The following MND1 variants were observed in gnomAD, a reference collection of about 807,000 sequenced individuals.
MND1 encodes meiotic nuclear divisions 1.
In MND1, 28 loss-of-function variants were observed where a neutral mutation model predicts 35.1. The ratio of observed to expected loss-of-function variants is 0.80; its 90% CI spans 0.59 to 1.09. The LOEUF (loss-of-function observed/expected upper bound fraction) is 1.09, where lower values mean the gene tolerates loss of function less well. Ranked by LOEUF, MND1 falls within the 50% of genes least tolerant of loss-of-function variation. The pLI is 0.00. For synonymous variants in MND1, 69 were observed against 70.5 expected (o/e 0.98, Z 0.11); for missense variants, 213 against 239.6 (o/e 0.89, Z 0.73).
intron 4 of MND1, among the ~76,000 whole-genome samples, chr4:153,374,479 TAAAG>T (rs1317278229): frequency 3.3e-5 from 5 of 152,112 alleles, no homozygotes; most frequent in Admixed American, 6.6e-5. Context: ...GGGATTCACA[TAAAG>T]ATAGAAGCCA....
chr4:153,406,678 A>G (rs1044996847), intron 6 of MND1, among the ~76,000 whole-genome samples: 6 of 152,186 alleles, frequency 3.9e-5, no homozygotes, highest in African/African-American at 1.2e-4. Context: ...ATGAACGGAC[A>G]CTTCCCCCAA....
In MND1 at chr4:153,394,255, T is replaced by A. The variant is rs752881878; in HGVS notation, c.277-7T>A. On this transcript the variant is annotated splice_region_variant and splice_polypyrimidine_tract_variant and intron_variant, in intron 4 of 7. Transcript: ENST00000240488. The stretch of plus-strand genomic sequence containing the variant: ...GCAAGCTGTTTTATTTGTTTTTGAT[T>A]CTCTAGTTGTCTGAGGGAAGTCAAA... 3 of 1,611,034 alleles carry A rather than the reference T, an allele frequency of 1.9e-6. No individual in the cohort carries two copies. The South Asian group carries it at 3.3e-5, about 18-fold the overall frequency.
intron 4 of MND1, among the ~76,000 whole-genome samples, chr4:153,360,699 A>T (rs149590297): frequency 3.6e-4 from 53 of 148,824 alleles, no homozygotes; most frequent in African/African-American, 1.1e-3. Flanking sequence ...TACTATAAAT[A>T]TTTTTGTGTG....
At chr4:153,353,155 G>C (rs1213866942) in intron 2 of MND1, among the ~76,000 whole-genome samples, 1 of 151,958 alleles carries the variant, frequency 6.6e-6, no homozygotes, top group Admixed American at 6.6e-5. Flanking sequence ...CATGTTCCCT[G>C]AGATTCTAAA....
chr4:153,382,746 TCTA>T (rs1485033234), intron 4 of MND1, among the ~76,000 whole-genome samples: 6 of 152,206 alleles, frequency 3.9e-5, no homozygotes, highest in African/African-American at 1.4e-4. Flanking sequence ...ATCGATGCCT[TCTA>T]ATAAACAAAA....
intron 4 of MND1, 95 bp from the exon 5 acceptor site, chr4:153,394,167 G>A: frequency 1.9e-6 from 2 of 1,058,298 alleles, no homozygotes; most frequent in East Asian, 2.8e-5. Flanking sequence ...CGAGTGCTGG[G>A]GCGTGAGCCA....
At chr4:153,355,903 A>G (rs1773327666) in intron 3 of MND1, 192 bp downstream of exon 3, 1 of 528,822 alleles carries the variant, frequency 1.9e-6, no homozygotes, top group Admixed American at 3.4e-5. Context: ...TTTCTGTATA[A>G]TACATCCTGT....
intron 6 of MND1, among the ~76,000 whole-genome samples, chr4:153,408,490 A>G (rs999688732): frequency 1.3e-5 from 2 of 152,194 alleles, no homozygotes; most frequent in African/African-American, 4.8e-5. Flanking sequence ...AAGTAAAAGT[A>G]AATACTTCCC....
chr4:153,413,969 A>G (rs568436691), intron 7 of MND1, among the ~76,000 whole-genome samples: 1 of 152,132 alleles, frequency 6.6e-6, no homozygotes, highest in South Asian at 2.1e-4. Flanking sequence ...TGCTGAGGAC[A>G]TTTCTGTTCT....
chr4:153,385,038 G>A lies in MND1; in HGVS notation c.277-9224G>A, dbSNP rs975248473. Among the ~76,000 whole-genome samples the A allele has an allele frequency of 3.9e-5, 6 of 152,162 alleles. 1 individual carries two copies. The highest frequency in any genetic ancestry group is 1.4e-4 in the African/African-American group (6 of 41,430). On this transcript the variant is annotated intron_variant, in intron 4 of 7. Transcript: ENST00000240488. ...AACAAACATCCAGTACTCACTACAT[G>A]CAAAGCAATACCTTAAGTTGTTCAT...
rs75531861 is a variant in MND1, at chr4:153,404,924, G to A, written c.467-4047G>A. ...TTTTTATTATCTTTTTTGTAGAGACGGGGTCCCACTATGTTAGCTAGACTG... is the reference window on the plus strand; with the variant it reads ...TTTTTATTATCTTTTTTGTAGAGACAGGGTCCCACTATGTTAGCTAGACTG... On this transcript the variant is annotated intron_variant, in intron 6 of 7. Transcript: ENST00000240488. 5.2e-4 allele frequency among the ~76,000 whole-genome samples: 79 copies of A among 151,922 alleles called. No individual in the cohort carries two copies. The East Asian group carries it at 9.7e-3, about 19-fold the overall frequency.
intron 1 of MND1, among the ~76,000 whole-genome samples, chr4:153,346,895 C>T (rs992847478): frequency 5.3e-5 from 8 of 152,192 alleles, no homozygotes; most frequent in African/African-American, 1.9e-4. Flanking sequence ...CACTGAAATT[C>T]TAAAGGGATT....
intron 4 of MND1, among the ~76,000 whole-genome samples, chr4:153,393,969 C>T (rs1261638822): frequency 9.4e-6 from 1 of 105,890 alleles, no homozygotes; most frequent in East Asian, 3.0e-4. Context: ...CTTGCTCTGT[C>T]GCCAGGCTGG....
intron 7 of MND1, among the ~76,000 whole-genome samples, chr4:153,413,026 C>T (rs1729732678): frequency 6.6e-6 from 1 of 151,994 alleles, no homozygotes; most frequent in South Asian, 2.1e-4. Context: ...AGGATGGTCT[C>T]GATCTCTTGA....
At chr4:153,393,783 T>C (rs1229553735) in intron 4 of MND1, among the ~76,000 whole-genome samples, 1 of 152,014 alleles carries the variant, frequency 6.6e-6, no homozygotes, top group East Asian at 1.9e-4. Flanking sequence ...GGCATGCTAT[T>C]CGTTTTATCT....
chr4:153,394,323 G>T lies in MND1; in HGVS notation c.338G>T (p.Gly113Val), dbSNP rs751316277. The change falls in exon 5 of 8, where the codon GGC (glycine) becomes GTC (valine). Residue 113 changes from glycine (G) to valine (V), a missense_variant. Gly to Val is a moderately radical substitution (Grantham distance 109, BLOSUM62 -3). Coordinates refer to ENST00000240488, the MANE Select transcript of MND1 (RefSeq NM_032117.4). The part of the protein sequence containing the change: ...LQKSIEKAKI[G>V]RCETEERTRL... ...AAAAGCATTGAGAAAGCTAAAATTG[G>T]CCGATGTGAAACGGTAAGTTTGTGT... The T allele has an allele frequency of 3.1e-6, 5 of 1,611,946 alleles. No homozygotes were observed. The highest frequency in any genetic ancestry group is 4.2e-6 in the Non-Finnish European group (5 of 1,178,594).
chr4:153,408,930 ATATAAATACATTTCATTT>A, intron 6 of MND1, 23 bp from the exon 7 acceptor site: 12 of 656,166 alleles, frequency 1.8e-5, no homozygotes, highest in Non-Finnish European at 2.4e-5. Flanking sequence ...ATATATATAT[ATATAAATACATTTCATTT>A]TATATATATA....
intron 4 of MND1, among the ~76,000 whole-genome samples, chr4:153,371,592 TCA>T (rs1773790473): frequency 6.6e-6 from 1 of 152,108 alleles, no homozygotes; most frequent in African/African-American, 2.4e-5. Context: ...TCCTCACCTC[TCA>T]GCCTACAGAG....
Position 153,394,047 on chromosome 4 carries a change from G to A in MND1, c.277-215G>A, listed in dbSNP as rs376012251. Among the ~76,000 whole-genome samples, 640 of 148,592 alleles carry A rather than the reference G, an allele frequency of 4.3e-3. 5 individuals are homozygous for A. Among genetic ancestry groups the A allele is most frequent in the African/African-American group, 0.015 (608 of 40,140 alleles). On this transcript the variant is annotated intron_variant, in intron 4 of 7. Transcript: ENST00000240488. ...CGAGTAGCGGGGACTACAGGTGTGC[G>A]CCACCACACCCAGCTCATTTTTGTA... is the stretch of plus-strand genomic sequence containing the variant.
Sources: gnomAD v4.1 joint callset for allele counts (sites outside exome capture counted in the v4.1 genomes callset) on GRCh38, gnomAD v4.1.1 for gene constraint, MANE v1.5 for transcripts, NCBI Gene and HGNC (gene_info 2026-07-23, HGNC 2026-07-21) for gene names.